The following KLRG1 variants were observed in gnomAD, a reference collection of about 807,000 sequenced individuals.
KLRG1 encodes killer cell lectin-like receptor subfamily G member 1.
KLRG1 carries 16 observed loss-of-function variants against 21.8 expected under a neutral mutation model. That is an observed-to-expected ratio of 0.73 (90% confidence interval 0.50 to 1.11). The LOEUF (loss-of-function observed/expected upper bound fraction) is 1.11. Among genes scored for constraint, KLRG1 ranks in the 50% most tolerant of loss-of-function variants. The probability of loss-of-function intolerance (pLI) is 0.00; values close to 1 mark genes in which losing one functional copy is unlikely to be tolerated. For synonymous variants in KLRG1, 69 were observed against 75.9 expected (o/e 0.91, Z 0.47); for missense variants, 173 against 218.3 (o/e 0.79, Z 1.31).
At chr12:9,034,394 C>A in the KLRG1 span, among the ~76,000 whole-genome samples, 1 of 152,070 alleles carries the variant, frequency 6.6e-6, no homozygotes, top group Non-Finnish European at 1.5e-5. Context: ...ATACATAATA[C>A]CTGATGATAA....
intron 3 of KLRG1, among the ~76,000 whole-genome samples, chr12:9,003,412 TA>T (rs1245743051): frequency 1.3e-5 from 2 of 152,170 alleles, no homozygotes; most frequent in Non-Finnish European, 2.9e-5. Context: ...TTGAATGCAG[TA>T]ACATTTATTT....
rs761092014 is a variant in KLRG1 at position 9,009,080 on chromosome 12, G to A, written c.458+5G>A. On this transcript the variant is annotated splice_donor_5th_base_variant and intron_variant, in intron 4 of 4. Coordinates refer to ENST00000356986, the MANE Select transcript of KLRG1 (RefSeq NM_005810.4). Reference sequence around the variant, plus strand: ...ATCACCTCTAAACTTCTCAAGGTAAGGGGCTTCAAAGGAATGCAAAAAAAG... The same window carrying A: ...ATCACCTCTAAACTTCTCAAGGTAAAGGGCTTCAAAGGAATGCAAAAAAAG... The A allele has an allele frequency of 1.2e-6, 2 of 1,601,666 alleles. No individual in the cohort carries two copies. The highest frequency in any genetic ancestry group is 1.7e-5 in the Admixed American group (1 of 58,232).
chr12:9,117,333 C>G, the KLRG1 span, among the ~76,000 whole-genome samples: 2 of 151,962 alleles, frequency 1.3e-5, no homozygotes, highest in East Asian at 3.9e-4. Context: ...AAGAGGTGAT[C>G]CAGGATGCAG....
chr12:9,165,321 T>G, the KLRG1 span: 1 of 1,614,080 alleles, frequency 6.2e-7, no homozygotes, highest in Non-Finnish European at 8.5e-7. Flanking sequence ...TTCCACTCGG[T>G]GATGGTGTCA....
the KLRG1 span, among the ~76,000 whole-genome samples, chr12:9,034,055 A>T: frequency 4.6e-5 from 7 of 152,122 alleles, no homozygotes; most frequent in African/African-American, 1.2e-4. Context: ...CCATTGAAGA[A>T]CCCCATGAGA....
the KLRG1 span, chr12:9,104,352 A>G: frequency 1.2e-6 from 2 of 1,605,880 alleles, no homozygotes; most frequent in Non-Finnish European, 1.7e-6. Flanking sequence ...CCTCTGATGA[A>G]TATGACTTTA....
chr12:9,087,157 A>G, the KLRG1 span, among the ~76,000 whole-genome samples: 8 of 152,184 alleles, frequency 5.3e-5, 1 homozygote, highest in Non-Finnish European at 1.2e-4. Flanking sequence ...TACAATGTTC[A>G]TGGATTGGAA....
the KLRG1 span, chr12:9,192,720 T>G: frequency 6.2e-7 from 1 of 1,611,732 alleles, no homozygotes. Flanking sequence ...AAAACACAAG[T>G]TGGGATGCAC....
the KLRG1 span, chr12:9,192,784 T>G: frequency 0.012 from 16,324 of 1,369,752 alleles, 111 homozygotes; most frequent in Non-Finnish European, 0.014. Context: ...CTTGAAATTC[T>G]TCACCTTAGC....
At chr12:9,138,152 G>A in the KLRG1 span, among the ~76,000 whole-genome samples, 2 of 151,910 alleles carry the variant, frequency 1.3e-5, no homozygotes, top group Non-Finnish European at 2.9e-5. Context: ...TTATCTATGG[G>A]CCTTTCATAT....
chr12:9,085,651 A>G, the KLRG1 span, among the ~76,000 whole-genome samples: 1 of 152,220 alleles, frequency 6.6e-6, no homozygotes, highest in Non-Finnish European at 1.5e-5. Flanking sequence ...GGAAAATAAT[A>G]AAGATTAGAG....
At chr12:8,951,441 C>T (rs1257371112) in intron 1 of KLRG1, among the ~76,000 whole-genome samples, 2 of 152,170 alleles carry the variant, frequency 1.3e-5, no homozygotes, top group African/African-American at 2.4e-5. Flanking sequence ...TACCCTCCAG[C>T]CTTGGTGATA....
the KLRG1 span, chr12:9,052,714 C>A: frequency 2.5e-6 from 1 of 400,342 alleles, no homozygotes; most frequent in Non-Finnish European, 4.9e-6. Flanking sequence ...AGGTTAAAAT[C>A]TTGCCTCATT....
the KLRG1 span, chr12:9,107,392 GA>G: frequency 2.6e-6 from 3 of 1,142,550 alleles, no homozygotes; most frequent in Admixed American, 5.6e-5. Context: ...GATTTTTTTT[GA>G]AAAATTACAA....
chr12:9,147,228 C>T, the KLRG1 span, among the ~76,000 whole-genome samples: 1 of 152,174 alleles, frequency 6.6e-6, no homozygotes, highest in Non-Finnish European at 1.5e-5. Flanking sequence ...ATAGTGCCTA[C>T]CAGTCCAACT....
chr12:9,150,731 G>T, the KLRG1 span: 1 of 1,611,654 alleles, frequency 6.2e-7, no homozygotes, highest in Non-Finnish European at 8.5e-7. Flanking sequence ...GAAAAACTTA[G>T]CGTCTGATTT....
chr12:9,158,385 G>A, the KLRG1 span: 1 of 1,610,186 alleles, frequency 6.2e-7, no homozygotes, highest in Admixed American at 1.7e-5. Context: ...TTATGTTGAT[G>A]TGTGTCAGGC....
At chr12:9,213,995 A>G in the KLRG1 span, among the ~76,000 whole-genome samples, 1 of 152,012 alleles carries the variant, frequency 6.6e-6, no homozygotes, top group Non-Finnish European at 1.5e-5. Flanking sequence ...ATTTGAGTTA[A>G]TTTTTTGTAT....
At chr12:9,135,324 G>T in the KLRG1 span, 30 of 300,616 alleles carry the variant, frequency 1.0e-4, no homozygotes, top group African/African-American at 6.4e-4. Flanking sequence ...CAGTGGATTG[G>T]ACCGAGCAGT....
Sources: gnomAD v4.1 joint callset for allele counts (sites outside exome capture counted in the v4.1 genomes callset) on GRCh38, gnomAD v4.1.1 for gene constraint, MANE v1.5 for transcripts, NCBI Gene and HGNC (gene_info 2026-07-23, HGNC 2026-07-21) for gene names.